Variants in RFX7 observed in about 807,000 individuals in gnomAD.
RFX7 encodes the protein regulatory factor X7.
RFX7 carries 26 observed loss-of-function variants against 111.8 expected under a neutral mutation model. The ratio of observed to expected loss-of-function variants is 0.23; its 90% CI spans 0.17 to 0.32. The LOEUF (loss-of-function observed/expected upper bound fraction) is 0.32. Among genes scored for constraint, RFX7 ranks in the 10% least tolerant of loss-of-function variants. The probability of loss-of-function intolerance (pLI) is 1.00; values close to 1 mark genes in which losing one functional copy is unlikely to be tolerated. For missense variants in RFX7, 1,573 were observed against 1,772.9 expected (o/e 0.89, Z 2.02); for synonymous variants, 624 against 624.4 (o/e 1.00, Z 0.01).
intron 2 of RFX7, among the ~76,000 whole-genome samples, chr15:56,210,717 G>A (rs57664818): frequency 0.035 from 5,391 of 152,072 alleles, 349 homozygotes; most frequent in African/African-American, 0.12. Flanking sequence ...AGTCAAAGAA[G>A]AAATTTTGAG....
At chr15:56,125,610 AGTGTGTGT>A (rs10564650) in intron 5 of RFX7, among the ~76,000 whole-genome samples, 27,456 of 146,936 alleles carry the variant, frequency 0.19, 2,808 homozygotes, top group East Asian at 0.42. Context: ...TGTGTGTGTG[AGTGTGTGT>A]GTGTGTGTGT....
At chr15:56,239,125 C>T (rs1379437951) in intron 2 of RFX7, among the ~76,000 whole-genome samples, 21 of 152,154 alleles carry the variant, frequency 1.4e-4, no homozygotes, top group African/African-American at 3.1e-4. Context: ...TGAGCCACTG[C>T]GCCTAGTGTG....
chr15:56,184,778 GT>G (rs2043019933), intron 2 of RFX7, among the ~76,000 whole-genome samples: 1 of 152,036 alleles, frequency 6.6e-6, no homozygotes, highest in Non-Finnish European at 1.5e-5. Flanking sequence ...TGTCATTCAC[GT>G]TGCTTTATTT....
intron 2 of RFX7, among the ~76,000 whole-genome samples, chr15:56,223,730 C>T (rs1459764645): frequency 6.6e-6 from 1 of 152,146 alleles, no homozygotes; most frequent in Non-Finnish European, 1.5e-5. Context: ...TTTTCTTCTA[C>T]TTATATATTT....
At chr15:56,107,830 A>T (rs1244032199) in intron 5 of RFX7, among the ~76,000 whole-genome samples, 3 of 152,114 alleles carry the variant, frequency 2.0e-5, no homozygotes, top group Non-Finnish European at 4.4e-5. Context: ...CACAGATAAA[A>T]CAATAAAAAA....
At position 56,175,580 on chromosome 15, in the gene RFX7, C is replaced by A. The variant is rs78280919; in HGVS notation, c.195+3690G>T. On this transcript the variant is annotated intron_variant, in intron 3 of 9. Coordinates refer to ENST00000559447, the MANE Select transcript of RFX7 (RefSeq NM_022841.7). ...TGGAAAATAAGAGCCTAGAAAAACACCCACATATAATGATTTTTGATATAG... is the reference window on the plus strand; with the variant it reads ...TGGAAAATAAGAGCCTAGAAAAACAACCACATATAATGATTTTTGATATAG... Among the ~76,000 whole-genome samples, 5 of 152,128 alleles carry A rather than the reference C, an allele frequency of 3.3e-5. No homozygotes were observed. In the East Asian group the frequency reaches 7.7e-4, roughly 23 times the overall value.
intron 5 of RFX7, among the ~76,000 whole-genome samples, chr15:56,106,167 C>G (rs1317545588): frequency 6.6e-6 from 1 of 152,132 alleles, no homozygotes; most frequent in African/African-American, 2.4e-5. Flanking sequence ...TCTTGTCTTT[C>G]TTGGTATACA....
intron 6 of RFX7, among the ~76,000 whole-genome samples, chr15:56,103,037 G>A (rs12438262): frequency 0.066 from 9,943 of 151,310 alleles, 446 homozygotes; most frequent in Admixed American, 0.11. Context: ...GACCTTTTCT[G>A]TACTCTGGCT....
chr15:56,234,534 A>C (rs1180164876), intron 2 of RFX7, among the ~76,000 whole-genome samples: 3 of 152,242 alleles, frequency 2.0e-5, no homozygotes, highest in Admixed American at 6.5e-5. Flanking sequence ...TATCTTATTA[A>C]TAGATGTAAT....
chr15:56,195,670 T>G (rs2043140763), intron 2 of RFX7, among the ~76,000 whole-genome samples: 1 of 152,180 alleles, frequency 6.6e-6, no homozygotes, highest in Non-Finnish European at 1.5e-5. Flanking sequence ...CTTTATGGGT[T>G]TATCAAATGC....
chr15:56,233,930 T>A (rs1159777703), intron 2 of RFX7, among the ~76,000 whole-genome samples: 4 of 152,188 alleles, frequency 2.6e-5, no homozygotes, highest in Non-Finnish European at 5.9e-5. Context: ...TCAAGCAAAT[T>A]TTCTCCCAAG....
chr15:56,104,667 T>G (rs569965992), intron 5 of RFX7, among the ~76,000 whole-genome samples: 1 of 152,124 alleles, frequency 6.6e-6, no homozygotes, highest in Non-Finnish European at 1.5e-5. Flanking sequence ...AGAAGTTAAG[T>G]TGGGAGAGAC....
rs752953169 is a variant in RFX7, at chr15:56,093,858, G to A, written c.3870C>T (p.Ser1290=). The change falls in exon 10 of 10, where the codon TCC becomes TCT. Residue 1290 remains serine, a synonymous_variant. Coordinates refer to ENST00000559447, the MANE Select transcript of RFX7 (RefSeq NM_022841.7). ...RMNLTQILEP[S]TVFPSANPQN... The stretch of plus-strand genomic sequence containing the variant: ...GTGGGTTGGCACTAGGAAAAACAGT[G>A]GAAGGTTCCAAAATCTGAGTGAGAT... 2.1e-5 allele frequency: 34 copies of A among 1,613,760 alleles called. No individual in the cohort carries two copies. The highest frequency in any genetic ancestry group is 2.9e-5 in the Non-Finnish European group (34 of 1,179,870).
At chr15:56,204,393 T>C (rs1258011722) in intron 2 of RFX7, among the ~76,000 whole-genome samples, 4 of 152,130 alleles carry the variant, frequency 2.6e-5, no homozygotes, top group Non-Finnish European at 5.9e-5. Context: ...CCATACATCA[T>C]TTCCCAAACT....
At chr15:56,146,109 GT>G (rs1242632199) in intron 3 of RFX7, among the ~76,000 whole-genome samples, 1 of 151,342 alleles carries the variant, frequency 6.6e-6, no homozygotes. Context: ...TTGTCAAATT[GT>G]TTTTTTTAAG....
Position 56,096,233 on chromosome 15 carries a change from T to C in RFX7, c.1495A>G (p.Thr499Ala). Reference sequence around the variant, plus strand: ...CTCCTTGATTCTTCTGTTGTTCCTGTAGCACTGCTGACTGAGGCAGAATGT... The same window carrying C: ...CTCCTTGATTCTTCTGTTGTTCCTGCAGCACTGCTGACTGAGGCAGAATGT... ...LKHSASVSSATGTTEESRSVP... is the reference protein window; with the variant it reads ...LKHSASVSSAAGTTEESRSVP... The change falls in exon 10 of 10, where the codon ACA becomes GCA. Residue 499 changes from threonine (T) to alanine (A), a missense_variant. By Grantham distance (58) the Thr-to-Ala change is moderately conservative (BLOSUM62 0). Transcript: ENST00000559447. 6.2e-7 allele frequency: 1 copy of C among 1,614,014 alleles called. No homozygotes were observed.
At chr15:56,115,891 G>A (rs1229299031) in intron 5 of RFX7, among the ~76,000 whole-genome samples, 5 of 151,018 alleles carry the variant, frequency 3.3e-5, no homozygotes, top group South Asian at 4.2e-4. Flanking sequence ...GCAGTGAGCC[G>A]AGATCGTGCC....
chr15:56,157,787 T>C (rs1275137780), intron 3 of RFX7, among the ~76,000 whole-genome samples: 1 of 152,126 alleles, frequency 6.6e-6, no homozygotes, highest in Non-Finnish European at 1.5e-5. Context: ...ACCATGTTGG[T>C]CGGGCTGGTC....
rs1469684920 is a variant in RFX7 at position 56,243,296 on chromosome 15, G to C, written c.-2-9C>G. The C allele has an allele frequency of 4.2e-6, 5 of 1,185,602 alleles. No homozygotes were observed. The South Asian group carries it at 5.7e-5, about 14-fold the overall frequency. The allele number at this position is 1,185,602 out of a possible 1,614,324, so 73.4% of individuals were successfully genotyped here. On this transcript the variant is annotated splice_polypyrimidine_tract_variant and intron_variant, in intron 1 of 9. Coordinates refer to ENST00000559447, the MANE Select transcript of RFX7 (RefSeq NM_022841.7). ...TTGTTCCTCTGCCATCGCTGCAGAG[G>C]GGTGGGAGGGAGGGAGGGAAAGATG...
Sources: gnomAD v4.1 joint callset for allele counts (sites outside exome capture counted in the v4.1 genomes callset) on GRCh38, gnomAD v4.1.1 for gene constraint, MANE v1.5 for transcripts, NCBI Gene and HGNC (gene_info 2026-07-23, HGNC 2026-07-21) for gene names.